The following SHANK2 variants were observed in gnomAD, a reference collection of about 807,000 sequenced individuals.
The protein encoded by SHANK2 is SH3 and multiple ankyrin repeat domains 2.
Under a neutral mutation model 133.7 loss-of-function variants are expected in SHANK2, and 43 were observed. The observed-to-expected ratio is 0.32, with a 90% CI of 0.25 to 0.41. The LOEUF (loss-of-function observed/expected upper bound fraction) is 0.41. SHANK2 is among the 10% of genes least tolerant of loss of function. SHANK2 has a pLI of 1.00. For synonymous variants in SHANK2, 1,017 were observed against 952.8 expected, an observed-to-expected ratio of 1.07 and a Z score of -1.24; for missense variants, 1,994 against 2,235.8, an observed-to-expected ratio of 0.89 and a Z score of 2.18.
chr11:70,542,028 G>A (rs113400251), intron 17 of SHANK2, among the ~76,000 whole-genome samples: 29 of 152,302 alleles, frequency 1.9e-4, no homozygotes, highest in African/African-American at 3.8e-4. Context: ...CTCTGTGCAC[G>A]GGCCACTGAG....
rs546178524 is a variant in SHANK2, at chr11:70,847,124, G to A, written c.1175-26442C>T. 5.9e-5 allele frequency among the ~76,000 whole-genome samples: 9 copies of A among 152,258 alleles called. No individual in the cohort carries two copies. The South Asian group carries it at 1.2e-3, about 21-fold the overall frequency. Reference sequence around the variant, plus strand: ...TGCCCCGGCCCATCATCAATCTTGCGAGGGTCCTTGACTGTGCTGCGACCC... The same window carrying A: ...TGCCCCGGCCCATCATCAATCTTGCAAGGGTCCTTGACTGTGCTGCGACCC... On this transcript the variant is annotated intron_variant, in intron 11 of 25. Coordinates refer to ENST00000601538, the MANE Select transcript of SHANK2 (RefSeq NM_012309.5).
chr11:71,148,720 T>A (rs868916401), intron 2 of SHANK2, among the ~76,000 whole-genome samples: 1 of 152,194 alleles, frequency 6.6e-6, no homozygotes. Flanking sequence ...TCCCATGAAC[T>A]CCACAGCTGT....
chr11:70,898,715 G>A (rs782632229), intron 10 of SHANK2, among the ~76,000 whole-genome samples: 9 of 152,170 alleles, frequency 5.9e-5, no homozygotes, highest in Admixed American at 2.0e-4. Context: ...GAAATGAATC[G>A]AAGAAGGAAT....
rs547528461 is a variant in SHANK2, at chr11:70,562,754, G to C, written c.2062-59823C>G. Among the ~76,000 whole-genome samples, 23 of 152,272 alleles carry C rather than the reference G, an allele frequency of 1.5e-4. No homozygotes were observed. The South Asian group carries it at 2.3e-3, about 15-fold the overall frequency. ...TTTATATCGTCTGCATTTAATATGT[G>C]ATTATTGATAGGAAGTTTAACTCTG... is the stretch of plus-strand genomic sequence containing the variant. On this transcript the variant is annotated intron_variant, in intron 17 of 25. Coordinates refer to ENST00000601538, the MANE Select transcript of SHANK2 (RefSeq NM_012309.5).
At chr11:71,112,602 G>A (rs1478410882) in intron 5 of SHANK2, among the ~76,000 whole-genome samples, 4 of 152,088 alleles carry the variant, frequency 2.6e-5, no homozygotes, top group African/African-American at 9.7e-5. Context: ...AGTGCAATTG[G>A]GCTCTCCTTA....
chr11:70,826,968 T>C (rs1326360735), intron 11 of SHANK2, among the ~76,000 whole-genome samples: 2 of 152,246 alleles, frequency 1.3e-5, no homozygotes, highest in East Asian at 1.9e-4. Context: ...CTAAATATAC[T>C]GCACTGTGCT....
In SHANK2 at chr11:71,072,903, G is replaced by C. The variant is rs1040828428; in HGVS notation, c.1029+2256C>G. ...GTTGCCAGGGGCTGAGGAGAGGGGA[G>C]AGTTACATTTGATGGGGACAGAGTT... On this transcript the variant is annotated intron_variant, in intron 9 of 25. Transcript: ENST00000601538. 8.9e-4 allele frequency among the ~76,000 whole-genome samples: 136 copies of C among 152,188 alleles called. 3 individuals are homozygous for C. In the East Asian group the frequency reaches 0.019, roughly 22 times the overall value.
In SHANK2 at chr11:70,816,815, A is replaced by G. The variant is rs140767695; in HGVS notation, c.1493+3549T>C. 7.8e-4 allele frequency among the ~76,000 whole-genome samples: 119 copies of G among 152,302 alleles called. 1 individual carries two copies. Among genetic ancestry groups the G allele is most frequent in the African/African-American group, 2.8e-3 (116 of 41,568 alleles). On this transcript the variant is annotated intron_variant, in intron 12 of 25. Transcript: ENST00000601538. ...CTTCCACAATGGGGCCTCGGTCCACAGCCAGGAAGCAGACAGCTCTAGCCA... is the reference window on the plus strand; with the variant it reads ...CTTCCACAATGGGGCCTCGGTCCACGGCCAGGAAGCAGACAGCTCTAGCCA...
intron 11 of SHANK2, among the ~76,000 whole-genome samples, chr11:70,861,147 A>G (rs1330218324): frequency 3.3e-5 from 5 of 152,160 alleles, no homozygotes; most frequent in Admixed American, 2.6e-4. Flanking sequence ...AGGTTAGTAA[A>G]TCCTGCCACT....
intron 5 of SHANK2, 118 bp downstream of exon 5, chr11:71,113,175 G>T (rs528893966): frequency 1.9e-5 from 18 of 923,750 alleles, no homozygotes; most frequent in Non-Finnish European, 3.0e-5. Context: ...CCAGCCACAC[G>T]CCATGCCAGG....
At chr11:70,935,331 C>T (rs1950557587) in intron 10 of SHANK2, among the ~76,000 whole-genome samples, 1 of 152,138 alleles carries the variant, frequency 6.6e-6, no homozygotes. Context: ...CTGGCATCCA[C>T]CCAGGTCCTG....
At chr11:70,786,724 A>G (rs1555046546) in intron 14 of SHANK2, among the ~76,000 whole-genome samples, 1 of 152,096 alleles carries the variant, frequency 6.6e-6, no homozygotes, top group Non-Finnish European at 1.5e-5. Context: ...TCCTCCAAAC[A>G]AAGGGAAGGC....
At chr11:71,191,530 C>T (rs1953792939) in intron 2 of SHANK2, among the ~76,000 whole-genome samples, 1 of 152,098 alleles carries the variant, frequency 6.6e-6, no homozygotes, top group South Asian at 2.1e-4. Context: ...ACAGGGTCAT[C>T]TGTTTCCTCA....
At chr11:70,637,559 C>G (rs2061120903) in intron 17 of SHANK2, among the ~76,000 whole-genome samples, 1 of 152,150 alleles carries the variant, frequency 6.6e-6, no homozygotes, top group African/African-American at 2.4e-5. Flanking sequence ...CCTCCCCCCA[C>G]CAACCCATCG....
intron 17 of SHANK2, among the ~76,000 whole-genome samples, chr11:70,601,641 CGCGCCCG>C (rs1335976094): frequency 2.6e-5 from 4 of 152,106 alleles, no homozygotes; most frequent in Non-Finnish European, 5.9e-5. Flanking sequence ...CGTGAGCCAC[CGCGCCCG>C]GCCAGTAAAG....
At chr11:71,174,670 C>T (rs1280047130) in intron 2 of SHANK2, 5 of 108,752 alleles carry the variant, frequency 4.6e-5, no homozygotes, top group African/African-American at 1.7e-4. Flanking sequence ...CAGAGCGAGA[C>T]TCTGTCTCAA....
intron 17 of SHANK2, among the ~76,000 whole-genome samples, chr11:70,554,350 T>G (rs963773503): frequency 3.9e-5 from 6 of 152,064 alleles, no homozygotes; most frequent in Non-Finnish European, 8.8e-5. Context: ...TCAGGGAGGG[T>G]TCCAGAGCGG....
At chr11:70,699,783 T>C (rs1945480005) in intron 14 of SHANK2, among the ~76,000 whole-genome samples, 1 of 152,218 alleles carries the variant, frequency 6.6e-6, no homozygotes, top group South Asian at 2.1e-4. Context: ...TCCAGCAGTG[T>C]GGTGTTGCCC....
chr11:70,849,507 C>T (rs1429653035), intron 11 of SHANK2, among the ~76,000 whole-genome samples: 2 of 152,170 alleles, frequency 1.3e-5, no homozygotes, highest in Non-Finnish European at 2.9e-5. Flanking sequence ...GGTGCCTGGG[C>T]TCAGGGTGGA....
Sources: allele counts gnomAD v4.1 joint callset (sites outside exome capture counted in the v4.1 genomes callset), GRCh38; gene constraint gnomAD v4.1.1; transcripts MANE v1.5; gene names NCBI Gene and HGNC (gene_info 2026-07-23, HGNC 2026-07-21).